Variants in TMCC1 observed in about 807,000 individuals in gnomAD.
TMCC1 encodes transmembrane and coiled-coil domains protein 1.
TMCC1 carries 15 observed loss-of-function variants against 52.4 expected under a neutral mutation model. The ratio of observed to expected loss-of-function variants is 0.29; its 90% CI spans 0.19 to 0.44. The LOEUF (loss-of-function observed/expected upper bound fraction) is 0.44, where lower values mean the gene tolerates loss of function less well. Among genes scored for constraint, TMCC1 ranks in the 20% least tolerant of loss-of-function variants. The pLI is 1.00. For missense variants in TMCC1, 503 were observed against 806.0 expected (o/e 0.62, Z 4.55); for synonymous variants, 279 against 301.9 (o/e 0.92, Z 0.79).
chr3:129,878,724 C>T (rs1446234258), intron 2 of TMCC1, among the ~76,000 whole-genome samples: 1 of 152,158 alleles, frequency 6.6e-6, no homozygotes, highest in Non-Finnish European at 1.5e-5. Flanking sequence ...TGCTGAAGTC[C>T]TACAAAGACC....
chr3:129,801,729 C>G (rs2057208874), intron 4 of TMCC1, among the ~76,000 whole-genome samples: 1 of 152,186 alleles, frequency 6.6e-6, no homozygotes, highest in Non-Finnish European at 1.5e-5. Flanking sequence ...ACCACCGCGC[C>G]CGGCCCATGC....
intron 2 of TMCC1, among the ~76,000 whole-genome samples, chr3:129,835,331 A>G (rs1171006755): frequency 6.7e-6 from 1 of 149,998 alleles, no homozygotes; most frequent in East Asian, 1.9e-4. Context: ...ACTCTTTCAT[A>G]TATATATATA....
chr3:129,723,359 T>C (rs1452887804), intron 4 of TMCC1, among the ~76,000 whole-genome samples: 1 of 131,194 alleles, frequency 7.6e-6, no homozygotes. Context: ...GAAATCTTTT[T>C]CTTTTTTTTT....
At chr3:129,756,222 CT>C (rs2052997462) in intron 4 of TMCC1, among the ~76,000 whole-genome samples, 1 of 151,942 alleles carries the variant, frequency 6.6e-6, no homozygotes, top group Non-Finnish European at 1.5e-5. Context: ...TCCAAGTGAA[CT>C]GAAAAACCTG....
intron 4 of TMCC1, among the ~76,000 whole-genome samples, chr3:129,718,032 AT>A (rs528641734): frequency 1.7e-3 from 258 of 152,318 alleles, no homozygotes; most frequent in African/African-American, 5.6e-3. Context: ...TATTTTGGAG[AT>A]TTGAAACAAT....
intron 4 of TMCC1, among the ~76,000 whole-genome samples, chr3:129,766,816 G>T (rs1441953242): frequency 1.3e-5 from 2 of 151,754 alleles, no homozygotes; most frequent in Admixed American, 1.3e-4. Context: ...ATAAGGTTTT[G>T]CCATGTTGCC....
intron 4 of TMCC1, among the ~76,000 whole-genome samples, chr3:129,705,528 GATTTT>G (rs1576513837): frequency 6.6e-6 from 1 of 151,512 alleles, no homozygotes; most frequent in East Asian, 1.9e-4. Flanking sequence ...TTCAAATCTT[GATTTT>G]ATTTATCAGA....
At chr3:129,724,421 C>T (rs1002532831) in intron 4 of TMCC1, among the ~76,000 whole-genome samples, 3 of 152,156 alleles carry the variant, frequency 2.0e-5, no homozygotes, top group African/African-American at 7.2e-5. Context: ...GTATCATAAA[C>T]AACATACTGA....
chr3:129,678,115 T>G (rs2088621689), intron 4 of TMCC1, among the ~76,000 whole-genome samples: 1 of 151,990 alleles, frequency 6.6e-6, no homozygotes, highest in Non-Finnish European at 1.5e-5. Flanking sequence ...AGGCGGGGTT[T>G]TGCCATGTTG....
intron 4 of TMCC1, among the ~76,000 whole-genome samples, chr3:129,769,958 TAA>T (rs2107699091): frequency 6.6e-6 from 1 of 152,354 alleles, no homozygotes; most frequent in Admixed American, 6.5e-5. Context: ...GATATTTCTA[TAA>T]AGTGATGATT....
chr3:129,781,837 T>G (rs2055558302), intron 4 of TMCC1, among the ~76,000 whole-genome samples: 1 of 152,058 alleles, frequency 6.6e-6, no homozygotes, highest in South Asian at 2.1e-4. Flanking sequence ...GGAGACTAGC[T>G]AGGAGGTTAA....
At chr3:129,693,664 G>A (rs779360196) in intron 4 of TMCC1, among the ~76,000 whole-genome samples, 1 of 151,594 alleles carries the variant, frequency 6.6e-6, no homozygotes, top group Non-Finnish European at 1.5e-5. Context: ...TTATCTTATT[G>A]TTCTATTTTT....
At chr3:129,825,577 C>A (rs967789393) in intron 4 of TMCC1, among the ~76,000 whole-genome samples, 4 of 151,974 alleles carry the variant, frequency 2.6e-5, no homozygotes, top group African/African-American at 9.7e-5. Flanking sequence ...GCTTTGTTGC[C>A]CAGCCTGGAG....
At chr3:129,837,420 C>T (rs893423509) in intron 2 of TMCC1, among the ~76,000 whole-genome samples, 1 of 152,092 alleles carries the variant, frequency 6.6e-6, no homozygotes, top group Non-Finnish European at 1.5e-5. Context: ...AAATTTGAAG[C>T]CTCTAGTTCC....
intron 6 of TMCC1, among the ~76,000 whole-genome samples, chr3:129,652,285 T>C (rs894039019): frequency 2.0e-5 from 3 of 152,234 alleles, no homozygotes; most frequent in African/African-American, 7.2e-5. Context: ...TTATTATTTT[T>C]ATTTCCTATC....
chr3:129,838,493 T>C (rs1185583892), intron 2 of TMCC1, among the ~76,000 whole-genome samples: 1 of 152,086 alleles, frequency 6.6e-6, no homozygotes, highest in Non-Finnish European at 1.5e-5. Context: ...CGGTGGCTCA[T>C]GCCTGTAATC....
chr3:129,684,606 G>C (rs2089267951), intron 4 of TMCC1, among the ~76,000 whole-genome samples: 1 of 152,182 alleles, frequency 6.6e-6, no homozygotes, highest in African/African-American at 2.4e-5. Context: ...GGCGAGTTGT[G>C]GATGTCCTTT....
chr3:129,852,132 A>T (rs570528121), intron 2 of TMCC1, among the ~76,000 whole-genome samples: 91 of 152,238 alleles, frequency 6.0e-4, no homozygotes, highest in African/African-American at 2.1e-3. Context: ...CAACCTGGGC[A>T]ACAGCGTGAG....
chr3:129,850,094 G>GA (rs148952154), intron 2 of TMCC1, among the ~76,000 whole-genome samples: 6 of 150,138 alleles, frequency 4.0e-5, no homozygotes, highest in Non-Finnish European at 5.9e-5. Context: ...ATTCCTGATA[G>GA]AAAAAAAAAT....
Sources: gnomAD v4.1 joint callset for allele counts (sites outside exome capture counted in the v4.1 genomes callset) on GRCh38, gnomAD v4.1.1 for gene constraint, MANE v1.5 for transcripts, NCBI Gene and HGNC (gene_info 2026-07-23, HGNC 2026-07-21) for gene names.